The following SYNJ2 variants were observed in gnomAD, a reference collection of about 807,000 sequenced individuals.
SYNJ2 encodes the protein polyphosphatidylinositol phosphatase SYNJ2.
Under a neutral mutation model 141.3 loss-of-function variants are expected in SYNJ2, and 116 were observed. The ratio of observed to expected loss-of-function variants is 0.82; its 90% CI spans 0.71 to 0.96. The LOEUF (loss-of-function observed/expected upper bound fraction) is 0.96. Ranked by LOEUF, SYNJ2 falls within the 40% of genes least tolerant of loss-of-function variation. SYNJ2 has a pLI of 0.00. For synonymous variants in SYNJ2, 745 were observed against 777.7 expected (o/e 0.96, Z 0.70); for missense variants, 1,873 against 1,934.8 (o/e 0.97, Z 0.60).
Position 158,096,512 on chromosome 6 carries a change from C to A in SYNJ2, c.*148C>A. On this transcript the variant is annotated 3_prime_UTR_variant, in exon 27 of 27. Coordinates refer to ENST00000355585, the MANE Select transcript of SYNJ2 (RefSeq NM_003898.4). Reference sequence around the variant, plus strand: ...CTCGTGTAGTTTACAAAAATCGTGTCTCTTATTCAGTAAGATGGTTACTCA... The same window carrying A: ...CTCGTGTAGTTTACAAAAATCGTGTATCTTATTCAGTAAGATGGTTACTCA... 1 of 893,628 alleles carries A rather than the reference C, an allele frequency of 1.1e-6. No individual in the cohort carries two copies. The highest frequency in any genetic ancestry group is 1.6e-6 in the Non-Finnish European group (1 of 617,930). 55.4% of individuals were successfully genotyped at this position (893,628 alleles called of 1,614,324 possible).
At chr6:158,088,424 G>T (rs557442717) in intron 23 of SYNJ2, among the ~76,000 whole-genome samples, 1 of 152,206 alleles carries the variant, frequency 6.6e-6, no homozygotes, top group Non-Finnish European at 1.5e-5. Flanking sequence ...TTCTAGTAAT[G>T]CTTCTCCAGA....
At chr6:157,997,688 T>C (rs1033125910) in intron 1 of SYNJ2, among the ~76,000 whole-genome samples, 5 of 152,180 alleles carry the variant, frequency 3.3e-5, no homozygotes, top group African/African-American at 4.8e-5. Flanking sequence ...GTGTATCTCG[T>C]TCAGTACCTT....
At position 158,066,492 on chromosome 6, in the gene SYNJ2, CA is replaced by C; in HGVS notation, c.1577del (p.Asn526IlefsTer14). 1 of 1,614,156 alleles carries C rather than the reference CA, an allele frequency of 6.2e-7. No individual in the cohort carries two copies. Among genetic ancestry groups the C allele is most frequent in the Non-Finnish European group, 8.5e-7 (1 of 1,180,034 alleles). On this transcript the variant is annotated frameshift_variant, in exon 12 of 27. Transcript: ENST00000355585. LOFTEE classifies it high-confidence loss of function. Reference sequence around the variant, plus strand: ...ATGACTGAGCGTCAGTCCGAATTCACAAATTTCAAGCGGATCCGGATTGCTA... The same window carrying C: ...ATGACTGAGCGTCAGTCCGAATTCACAATTTCAAGCGGATCCGGATTGCTA... ...KAMTERQSEF[T>X]NFKRIRIAMG...
intron 1 of SYNJ2, among the ~76,000 whole-genome samples, chr6:158,015,275 G>T (rs1314624712): frequency 6.6e-6 from 1 of 152,134 alleles, no homozygotes; most frequent in Admixed American, 6.5e-5. Flanking sequence ...TTCCTTAACT[G>T]TGGGAGTCGA....
rs1407476178 is a variant in SYNJ2 at position 158,096,528 on chromosome 6, T to A, written c.*164T>A. 9 of 729,836 alleles carry A rather than the reference T, an allele frequency of 1.2e-5. No homozygotes were observed. The East Asian group carries it at 2.4e-4, about 19-fold the overall frequency. The allele number at this position is 729,836 out of a possible 1,614,324, so 45.2% of individuals were successfully genotyped here. A position where few individuals can be genotyped will look rare whatever the true frequency, so the allele number is the denominator to read the frequency against. On this transcript the variant is annotated 3_prime_UTR_variant, in exon 27 of 27. Transcript: ENST00000355585. ...AAATCGTGTCTCTTATTCAGTAAGA[T>A]GGTTACTCAGCCACCAAAATATATT...
At chr6:157,993,097 A>G (rs1435960439) in intron 1 of SYNJ2, among the ~76,000 whole-genome samples, 1 of 150,314 alleles carries the variant, frequency 6.7e-6, no homozygotes, top group Non-Finnish European at 1.5e-5. Context: ...TACATAACGT[A>G]TATATAGTAT....
At chr6:158,047,537 G>T (rs1208723047) in intron 5 of SYNJ2, among the ~76,000 whole-genome samples, 2 of 152,084 alleles carry the variant, frequency 1.3e-5, no homozygotes. Context: ...AGCAATTTGG[G>T]AGGCCAAGGT....
rs1442542234 is a variant in SYNJ2, at chr6:158,033,570, G to A, written c.601G>A (p.Ala201Thr). The A allele has an allele frequency of 6.2e-7, 1 of 1,613,974 alleles. No individual in the cohort carries two copies. Among genetic ancestry groups the A allele is most frequent in the South Asian group, 1.1e-5 (1 of 91,090 alleles). ...CACCGTGTATGCCTCCCACAAGCAGGCCAAGGCCTGCCTCGTCTCTCGCGT... is the reference window on the plus strand; with the variant it reads ...CACCGTGTATGCCTCCCACAAGCAGACCAAGGCCTGCCTCGTCTCTCGCGT... ...IRTVYASHKQ[A>T]KACLVSRVSC... The change falls in exon 4 of 27, where the codon GCC becomes ACC. Residue 201 changes from alanine to threonine, a missense_variant. Coordinates refer to ENST00000355585, the MANE Select transcript of SYNJ2 (RefSeq NM_003898.4).
rs1256233706 is a variant in SYNJ2 at position 158,043,498 on chromosome 6, T to C, written c.795+99T>C. The C allele has an allele frequency of 3.6e-6, 3 of 841,642 alleles. No individual in the cohort carries two copies. The highest frequency in any genetic ancestry group is 1.6e-5 in the South Asian group (1 of 64,368). The allele number at this position is 841,642 out of a possible 1,614,324, so 52.1% of individuals were successfully genotyped here. On this transcript the variant is annotated intron_variant, in intron 5 of 26. Coordinates refer to ENST00000355585, the MANE Select transcript of SYNJ2 (RefSeq NM_003898.4). This position sits in a 1 kb window ranked among gnomAD's most constrained non-coding sequence, Gnocchi z 4.0. The stretch of plus-strand genomic sequence containing the variant: ...GATTTCTTTTAACACGTTCGTTTCA[T>C]GGCATAGTTTCCAGTCTTTTTCCTC...
chr6:158,006,219 G>T (rs184971563), intron 1 of SYNJ2, among the ~76,000 whole-genome samples: 69 of 152,086 alleles, frequency 4.5e-4, no homozygotes, highest in African/African-American at 1.6e-3. Flanking sequence ...ACACACATGC[G>T]CACACACGTA....
At chr6:158,029,092 G>T (rs1779221465) in intron 3 of SYNJ2, 66 bp downstream of exon 3, 12 of 634,842 alleles carry the variant, frequency 1.9e-5, no homozygotes, top group East Asian at 5.6e-5. Flanking sequence ...GCCCTGGTTG[G>T]CATCTGAGGC....
intron 1 of SYNJ2, among the ~76,000 whole-genome samples, chr6:158,011,113 G>A (rs1004887054): frequency 8.5e-5 from 13 of 152,212 alleles, no homozygotes; most frequent in East Asian, 3.9e-4. Context: ...GGGACACCAC[G>A]CGGGGAGAGG....
chr6:158,042,122 G>A (rs191716825), intron 4 of SYNJ2, among the ~76,000 whole-genome samples: 34 of 152,350 alleles, frequency 2.2e-4, no homozygotes, highest in East Asian at 5.8e-4. Context: ...CTAATTTCAC[G>A]GTAGCCAACT....
rs1213351688 is a variant in SYNJ2 at position 158,096,091 on chromosome 6, ACTT to A, written c.4222_4224del (p.Leu1408del). The A allele has an allele frequency of 1.9e-6, 3 of 1,614,040 alleles. No individual in the cohort carries two copies. The highest frequency in any genetic ancestry group is 2.7e-5 in the African/African-American group (2 of 74,922). On this transcript the variant is annotated inframe_deletion, in exon 27 of 27. Transcript: ENST00000355585. The stretch of plus-strand genomic sequence containing the variant: ...AAGCGATGAAGCCAGAGGCAGCCCC[ACTT>A]CTTGGTGATTATCAGGACCCCTTCT...
At chr6:158,067,078 A>T (rs1781616157) in intron 12 of SYNJ2, among the ~76,000 whole-genome samples, 1 of 152,036 alleles carries the variant, frequency 6.6e-6, no homozygotes, top group African/African-American at 2.4e-5. Context: ...GAGTGTAGTG[A>T]CGCAATCTCG....
chr6:158,093,028 C>T lies in SYNJ2; in HGVS notation c.3668C>T (p.Ala1223Val), dbSNP rs766478029. The T allele has an allele frequency of 1.1e-5, 18 of 1,612,068 alleles. No individual in the cohort carries two copies. The highest frequency in any genetic ancestry group is 3.4e-5 in the Admixed American group (2 of 59,168). ...GCAGCCAAACCAGAGACCCCACAGG[C>T]GCCCCCACTCCTTCCCCGTCGGCCC... ...PGAAKPETPQAPPLLPRRPPP... is the reference protein window; with the variant it reads ...PGAAKPETPQVPPLLPRRPPP... Residue 1223 changes from alanine (A) to valine (V), a missense_variant, in exon 26 of 27, where the codon GCG (alanine) becomes GTG (valine). By Grantham distance (64) the Ala-to-Val change is moderately conservative. Transcript: ENST00000355585.
chr6:158,087,102 C>T lies in SYNJ2; in HGVS notation c.3343+113C>T, dbSNP rs1166077806. On this transcript the variant is annotated intron_variant, in intron 23 of 26. Coordinates refer to ENST00000355585, the MANE Select transcript of SYNJ2 (RefSeq NM_003898.4). ...CTTCTCCCCGGCCTTCCGGTCCCCA[C>T]AGGGCTTCCTCCTCCTTGGGCTCCG... 2.4e-6 allele frequency: 3 copies of T among 1,262,192 alleles called. No homozygotes were observed. The African/African-American group carries it at 4.5e-5, about 19-fold the overall frequency. 78.2% of individuals were successfully genotyped at this position (1,262,192 alleles called of 1,614,324 possible).
rs538435329 is a variant in SYNJ2 at position 158,033,630 on chromosome 6, C to T, written c.661C>T (p.Arg221Cys). 8.1e-6 allele frequency: 13 copies of T among 1,613,180 alleles called. No individual in the cohort carries two copies. The South Asian group carries it at 9.9e-5, about 12-fold the overall frequency. The change falls in exon 4 of 27, where the codon CGT becomes TGT. Residue 221 changes from arginine to cysteine, a missense_variant. Arg to Cys is a radical substitution (Grantham distance 180, BLOSUM62 -3). Coordinates refer to ENST00000355585, the MANE Select transcript of SYNJ2 (RefSeq NM_003898.4). ...GCGCACAGGCACTCGCTTCCACACC[C>T]GTGGCGTGAACGACGACGGCCATGT... Reference protein sequence around the residue: ...CERTGTRFHTRGVNDDGHVSN... With the variant: ...CERTGTRFHTCGVNDDGHVSN...
Position 158,027,130 on chromosome 6 carries a change from C to T in SYNJ2, c.215-1626C>T. On this transcript the variant is annotated intron_variant, in intron 2 of 26. Transcript: ENST00000355585. The surrounding 1 kb of genome is among the most constrained non-coding windows in gnomAD (Gnocchi z 4.6). ...ACTTTAATGACAGCCACACGCCACCCTGCCACAAGCAGCGCTCTTCTCCCT... is the reference window on the plus strand; with the variant it reads ...ACTTTAATGACAGCCACACGCCACCTTGCCACAAGCAGCGCTCTTCTCCCT... 3.0e-6 allele frequency: 3 copies of T among 985,398 alleles called. No homozygotes were observed. The highest frequency in any genetic ancestry group is 1.7e-5 in the African/African-American group (1 of 57,342). The allele number at this position is 985,398 out of a possible 1,614,324, so 61.0% of individuals were successfully genotyped here. A position where few individuals can be genotyped will look rare whatever the true frequency, so the allele number is the denominator to read the frequency against.
Sources: allele counts gnomAD v4.1 joint callset (sites outside exome capture counted in the v4.1 genomes callset), GRCh38; gene constraint gnomAD v4.1.1; non-coding constraint Gnocchi (gnomAD v3.1); transcripts MANE v1.5; gene names NCBI Gene and HGNC (gene_info 2026-07-23, HGNC 2026-07-21).